Variants in LOC400499 observed in about 807,000 individuals in gnomAD.
At chr16:11,453,256 T>G in the LOC400499 span, among the ~76,000 whole-genome samples, 2 of 152,312 alleles carry the variant, frequency 1.3e-5, no homozygotes, top group South Asian at 4.1e-4. Context: ...ATCCCTAACT[T>G]TGCTAAACTG....
chr16:11,500,757 C>G, the LOC400499 span: 1 of 398,996 alleles, frequency 2.5e-6, no homozygotes, highest in Non-Finnish European at 4.4e-6. Context: ...AGCAGCCAAG[C>G]CACGGAGGGA....
chr16:11,498,430 C>T, the LOC400499 span, among the ~76,000 whole-genome samples: 3 of 151,928 alleles, frequency 2.0e-5, no homozygotes, highest in Non-Finnish European at 4.4e-5. Flanking sequence ...TGCAGTGAGC[C>T]GAGATTGCGC....
chr16:11,394,508 G>C, the LOC400499 span, among the ~76,000 whole-genome samples: 1 of 152,258 alleles, frequency 6.6e-6, no homozygotes, highest in African/African-American at 2.4e-5. Flanking sequence ...ACTTAAGAGT[G>C]TGTGTGCGCG....
the LOC400499 span, among the ~76,000 whole-genome samples, chr16:11,457,315 C>T: frequency 5.9e-5 from 9 of 152,256 alleles, no homozygotes; most frequent in East Asian, 1.2e-3. Context: ...AAGATCGGGC[C>T]GGGCACGGTG....
At chr16:11,455,247 G>A in the LOC400499 span, among the ~76,000 whole-genome samples, 1 of 152,130 alleles carries the variant, frequency 6.6e-6, no homozygotes, top group Non-Finnish European at 1.5e-5. Context: ...TTAAGAAAAT[G>A]GAAGAGAATA....
At chr16:11,468,532 C>G in the LOC400499 span, among the ~76,000 whole-genome samples, 19 of 152,260 alleles carry the variant, frequency 1.2e-4, no homozygotes, top group African/African-American at 4.3e-4. Flanking sequence ...TGCTATGTTG[C>G]CCAGGTTTAT....
At chr16:11,403,862 C>T in the LOC400499 span, among the ~76,000 whole-genome samples, 1 of 152,210 alleles carries the variant, frequency 6.6e-6, no homozygotes, top group Admixed American at 6.5e-5. Context: ...CCACCTCTTC[C>T]ACGCCCTGGC....
chr16:11,428,338 AT>A, the LOC400499 span, among the ~76,000 whole-genome samples: 1 of 151,822 alleles, frequency 6.6e-6, no homozygotes. Context: ...CGCCTGGCTA[AT>A]TTTTTTGTAT....
chr16:11,415,533 G>A, the LOC400499 span, among the ~76,000 whole-genome samples: 7,105 of 152,284 alleles, frequency 0.047, 567 homozygotes, highest in African/African-American at 0.16. Context: ...ACATGCAGGT[G>A]GCCTCAGGAA....
At chr16:11,374,001 C>A in the LOC400499 span, among the ~76,000 whole-genome samples, 1 of 152,258 alleles carries the variant, frequency 6.6e-6, no homozygotes, top group East Asian at 1.9e-4. Flanking sequence ...CCATCTCTTT[C>A]TACTACATTC....
chr16:11,473,642 C>G, the LOC400499 span, among the ~76,000 whole-genome samples: 1 of 151,982 alleles, frequency 6.6e-6, no homozygotes, highest in Non-Finnish European at 1.5e-5. Context: ...GTAGCCCCAG[C>G]TACTTGGGAG....
the LOC400499 span, among the ~76,000 whole-genome samples, chr16:11,473,644 A>G: frequency 4.6e-5 from 7 of 151,994 alleles, no homozygotes; most frequent in Non-Finnish European, 8.8e-5. Flanking sequence ...AGCCCCAGCT[A>G]CTTGGGAGGC....
chr16:11,372,551 G>C, the LOC400499 span: 14 of 158,146 alleles, frequency 8.9e-5, no homozygotes, highest in Non-Finnish European at 1.6e-4. Flanking sequence ...GAAGTATTTT[G>C]AGCCCAGTGG....
chr16:11,428,302 G>A, the LOC400499 span, among the ~76,000 whole-genome samples: 27 of 152,128 alleles, frequency 1.8e-4, no homozygotes, highest in Non-Finnish European at 3.1e-4. Flanking sequence ...TTCCTGAGTA[G>A]CTGGGATTAC....
At chr16:11,477,371 G>C in the LOC400499 span, among the ~76,000 whole-genome samples, 1 of 152,210 alleles carries the variant, frequency 6.6e-6, no homozygotes, top group African/African-American at 2.4e-5. Flanking sequence ...TTCCAGAATC[G>C]GACCAAATAT....
chr16:11,470,945 G>A, the LOC400499 span, among the ~76,000 whole-genome samples: 5 of 152,356 alleles, frequency 3.3e-5, no homozygotes, highest in South Asian at 1.0e-3. Flanking sequence ...AGGCATGTGT[G>A]TGGCCTTGAA....
the LOC400499 span, chr16:11,462,466 G>A: frequency 3.1e-6 from 3 of 982,654 alleles, no homozygotes; most frequent in African/African-American, 3.5e-5. Context: ...GTCTCACTTT[G>A]TCTCCCAAGC....
chr16:11,375,170 C>T, the LOC400499 span, among the ~76,000 whole-genome samples: 3 of 125,608 alleles, frequency 2.4e-5, 1 homozygote, highest in African/African-American at 6.8e-5. Flanking sequence ...GATGAATTGC[C>T]ATATTGTCTT....
At chr16:11,448,020 C>G in the LOC400499 span, 2 of 1,535,970 alleles carry the variant, frequency 1.3e-6, no homozygotes, top group African/African-American at 2.7e-5. Flanking sequence ...GGCCCCGAGG[C>G]TGGCCCTGGG....
Sources: gnomAD v4.1 joint callset for allele counts (sites outside exome capture counted in the v4.1 genomes callset) on GRCh38, gnomAD v4.1.1 for gene constraint, MANE v1.5 for transcripts.